Variants in ZNF524 observed in about 807,000 individuals in gnomAD.
ZNF524 encodes zinc finger protein 524.
For synonymous variants in ZNF524, 194 were observed against 166.3 expected (o/e 1.17, Z -1.28); for missense variants, 388 against 380.1 (o/e 1.02, Z -0.17).
intron 1 of ZNF524, chr19:55,600,776 G>C (rs1980635293): frequency 6.6e-6 from 1 of 150,776 alleles, no homozygotes; most frequent in East Asian, 2.0e-4. Context: ...GAACCGTATG[G>C]AAAGGTGGTT....
chr19:55,600,511 C>G (rs978018238), intron 1 of ZNF524, 103 bp downstream of exon 1: 8 of 150,902 alleles, frequency 5.3e-5, no homozygotes, highest in Non-Finnish European at 8.9e-5. Flanking sequence ...TTCCTGCTCC[C>G]GCGCTCGCGC....
chr19:55,602,631 G>A lies in ZNF524; in HGVS notation c.519G>A (p.Pro173=). 1 of 1,581,126 alleles carries A rather than the reference G, an allele frequency of 6.3e-7. No homozygotes were observed. The highest frequency in any genetic ancestry group is 8.5e-7 in the Non-Finnish European group (1 of 1,170,030). ...CCGGCCTGCGGCCCTTCCGCTGCCC[G>A]CTGTGCCCCCGCCGCTTCCGCGAGG... ...IHAGLRPFRC[P]LCPRRFREAG... Residue 173 remains proline (P), a synonymous_variant, in exon 2 of 2, where the codon CCG becomes CCA. Coordinates refer to ENST00000301073, the MANE Select transcript of ZNF524 (RefSeq NM_153219.4).
In ZNF524 at chr19:55,602,805, A is replaced by C. The variant is rs756567526; in HGVS notation, c.693A>C (p.Ala231=). 6.2e-7 allele frequency: 1 copy of C among 1,611,112 alleles called. No individual in the cohort carries two copies. The highest frequency in any genetic ancestry group is 8.5e-7 in the Non-Finnish European group (1 of 1,179,672). ...AGGCCATGGGGGTACCCCTGTGTGC[A>C]CCAGATCCAGGGTCTGAACCGCCGT... ...HPEAMGVPLC[A]PDPGSEPPWD... is the part of the protein sequence containing the mutation. Residue 231 remains alanine (A), a synonymous_variant, in exon 2 of 2, where the codon GCA becomes GCC. Coordinates refer to ENST00000301073, the MANE Select transcript of ZNF524 (RefSeq NM_153219.4).
Position 55,602,673 on chromosome 19 carries a change from C to A in ZNF524, c.561C>A (p.His187Gln). The A allele has an allele frequency of 6.3e-7, 1 of 1,597,728 alleles. No homozygotes were observed. Among genetic ancestry groups the A allele is most frequent in the Non-Finnish European group, 8.5e-7 (1 of 1,177,572 alleles). Residue 187 changes from histidine (H) to glutamine (Q), a missense_variant, in exon 2 of 2, where the codon CAC becomes CAA. Physicochemically the swap from His to Gln is conservative, Grantham distance 24. Coordinates refer to ENST00000301073, the MANE Select transcript of ZNF524 (RefSeq NM_153219.4). Reference sequence around the variant, plus strand: ...TCCGCGAGGCGGGCGAGCTGGCGCACCACCACCGCGTGCACTCGGGGGAGC... The same window carrying A: ...TCCGCGAGGCGGGCGAGCTGGCGCAACACCACCGCGTGCACTCGGGGGAGC... ...RRFREAGELA[H>Q]HHRVHSGERP... is the part of the protein sequence containing the mutation.
chr19:55,600,137 G>A (rs1980575186), upstream of ZNF524: 4 of 152,304 alleles, frequency 2.6e-5, no homozygotes, highest in South Asian at 6.2e-4. Context: ...CAGGGCCGCC[G>A]GTGCGCAGGC....
rs780250919 is a variant in ZNF524 at position 55,602,808 on chromosome 19, A to G, written c.696A>G (p.Pro232=). The G allele has an allele frequency of 5.0e-6, 8 of 1,611,238 alleles. No individual in the cohort carries two copies. Among genetic ancestry groups the G allele is most frequent in the Non-Finnish European group, 6.8e-6 (8 of 1,179,732 alleles). The change falls in exon 2 of 2, where the codon CCA becomes CCG. Residue 232 remains proline (P), a synonymous_variant. Transcript: ENST00000301073. The part of the protein sequence containing the change: ...PEAMGVPLCA[P]DPGSEPPWDE... ...CCATGGGGGTACCCCTGTGTGCACC[A>G]GATCCAGGGTCTGAACCGCCGTGGG...
At position 55,602,669 on chromosome 19, in the gene ZNF524, C is replaced by T. The variant is rs1245819121; in HGVS notation, c.557C>T (p.Ala186Val). 2 of 1,595,930 alleles carry T rather than the reference C, an allele frequency of 1.3e-6. No individual in the cohort carries two copies. The highest frequency in any genetic ancestry group is 1.7e-6 in the Non-Finnish European group (2 of 1,176,792). Residue 186 changes from alanine to valine, a missense_variant, in exon 2 of 2, where the codon GCG (alanine) becomes GTG (valine). Physicochemically the swap from Ala to Val is moderately conservative, Grantham distance 64. Coordinates refer to ENST00000301073, the MANE Select transcript of ZNF524 (RefSeq NM_153219.4). ...PRRFREAGELAHHHRVHSGER... is the reference protein window; with the variant it reads ...PRRFREAGELVHHHRVHSGER... The stretch of plus-strand genomic sequence containing the variant: ...CGCTTCCGCGAGGCGGGCGAGCTGG[C>T]GCACCACCACCGCGTGCACTCGGGG...
intron 1 of ZNF524, chr19:55,601,576 A>G (rs187674861): frequency 6.6e-6 from 1 of 152,404 alleles, no homozygotes. Context: ...ATGTTTCCTC[A>G]TCCAGGAATC....
Position 55,602,213 on chromosome 19 carries a change from G to A in ZNF524, c.101G>A (p.Arg34His), listed in dbSNP as rs1475530592. 7.4e-6 allele frequency: 12 copies of A among 1,612,462 alleles called. No individual in the cohort carries two copies. The East Asian group carries it at 1.8e-4, about 24-fold the overall frequency. ...CCTGTTCCCCGGGGCCGCCGAGGCC[G>A]TCGTCCTGGGGGAGCCACCTCCTCA... ...SPPVPRGRRG[R>H]RPGGATSSNR... Residue 34 changes from arginine to histidine, a missense_variant, in exon 2 of 2, where the codon CGT becomes CAT. Arg to His is a conservative substitution (Grantham distance 29). Transcript: ENST00000301073.
chr19:55,600,231 G>A (rs1042324714), upstream of ZNF524: 4 of 150,954 alleles, frequency 2.6e-5, no homozygotes, highest in African/African-American at 9.7e-5. Context: ...CGGGCGGGAA[G>A]GGCAGGAAGG....
Position 55,602,709 on chromosome 19 carries a change from G to GTAC in ZNF524, c.598_599insACT (p.Gln199_Cys200insTyr). ...TGCACTCGGGGGAGCGCCCGTACCA[G>GTAC]TGCCCCATCTGCCGGCTGCGCTTTA... On this transcript the variant is annotated inframe_insertion, in exon 2 of 2. Coordinates refer to ENST00000301073, the MANE Select transcript of ZNF524 (RefSeq NM_153219.4). The GTAC allele has an allele frequency of 3.1e-6, 5 of 1,603,722 alleles. No homozygotes were observed. The highest frequency in any genetic ancestry group is 4.2e-6 in the Non-Finnish European group (5 of 1,179,606).
intron 1 of ZNF524, chr19:55,600,833 G>GC (rs1308616880): frequency 6.6e-6 from 1 of 152,472 alleles, no homozygotes; most frequent in Non-Finnish European, 1.5e-5. Flanking sequence ...GGGGAGGGGG[G>GC]GGTGCAGGGG....
chr19:55,602,991 C>T lies in ZNF524; in HGVS notation c.*84C>T. On this transcript the variant is annotated 3_prime_UTR_variant, in exon 2 of 2. Coordinates refer to ENST00000301073, the MANE Select transcript of ZNF524 (RefSeq NM_153219.4). ...CTGGGCCTGAGCCAGGGGGCCGGGA[C>T]ACCCTTGTTTCCGGTGGTCTTCCCG... is the stretch of plus-strand genomic sequence containing the variant. 3 of 1,424,076 alleles carry T rather than the reference C, an allele frequency of 2.1e-6. No individual in the cohort carries two copies. Among genetic ancestry groups the T allele is most frequent in the Admixed American group, 2.7e-5 (1 of 36,878 alleles). The allele number at this position is 1,424,076 out of a possible 1,614,324, so 88.2% of individuals were successfully genotyped here.
In ZNF524 at chr19:55,603,018, T is replaced by TGGAGG; in HGVS notation, c.*112_*113insGAGGG. On this transcript the variant is annotated 3_prime_UTR_variant, in exon 2 of 2. Coordinates refer to ENST00000301073, the MANE Select transcript of ZNF524 (RefSeq NM_153219.4). ...CCCTTGTTTCCGGTGGTCTTCCCGT[T>TGGAGG]GTGGGAGCAGGTGGAGGGTGGAGAC... 7.5e-7 allele frequency: 1 copy of TGGAGG among 1,335,944 alleles called. No individual in the cohort carries two copies. The highest frequency in any genetic ancestry group is 2.5e-5 in the East Asian group (1 of 39,248). The allele number at this position is 1,335,944 out of a possible 1,614,324, so 82.8% of individuals were successfully genotyped here.
At chr19:55,601,185 AT>A (rs1472099090) in intron 1 of ZNF524, 1 of 152,190 alleles carries the variant, frequency 6.6e-6, no homozygotes. Flanking sequence ...TCTCTGGGAC[AT>A]TCGGGTCACA....
At chr19:55,600,526 C>A (rs310462) in intron 1 of ZNF524, 118 bp downstream of exon 1, 128,606 of 148,976 alleles carry the variant, frequency 0.86, 56,135 homozygotes, top group South Asian at 0.93. Flanking sequence ...TCGCGCCCCG[C>A]GAAGCCGTCC....
At chr19:55,601,277 TC>T (rs1227442470) in intron 1 of ZNF524, 1 of 152,228 alleles carries the variant, frequency 6.6e-6, no homozygotes, top group East Asian at 1.9e-4. Flanking sequence ...TGCCTCAGTT[TC>T]CCCATCTGCA....
chr19:55,602,239 A>T lies in ZNF524; in HGVS notation c.127A>T (p.Asn43Tyr). The change falls in exon 2 of 2, where the codon AAT (asparagine) becomes TAT (tyrosine). Residue 43 changes from asparagine (N) to tyrosine (Y), a missense_variant. Coordinates refer to ENST00000301073, the MANE Select transcript of ZNF524 (RefSeq NM_153219.4). ...GRRPGGATSS[N>Y]RTLKASLPRK... The stretch of plus-strand genomic sequence containing the variant: ...TCGTCCTGGGGGAGCCACCTCCTCA[A>T]ATCGGACACTCAAGGCCTCCCTCCC... 3 of 1,611,956 alleles carry T rather than the reference A, an allele frequency of 1.9e-6. No homozygotes were observed. The highest frequency in any genetic ancestry group is 2.5e-6 in the Non-Finnish European group (3 of 1,179,358).
At chr19:55,601,799 A>C in intron 1 of ZNF524, 1 of 241,700 alleles carries the variant, frequency 4.1e-6, no homozygotes, top group Non-Finnish European at 7.8e-6. Context: ...GGAGGTGGGG[A>C]GGGGTGTTGC....
Sources: allele counts gnomAD v4.1 joint callset, GRCh38; gene constraint gnomAD v4.1.1; transcripts MANE v1.5; gene names NCBI Gene and HGNC (gene_info 2026-07-23, HGNC 2026-07-21).